Variants in MICU1 observed in about 807,000 individuals in gnomAD.
MICU1 encodes the protein calcium uptake protein 1, mitochondrial.
In MICU1, 45 loss-of-function variants were observed where a neutral mutation model predicts 56.8. The ratio of observed to expected loss-of-function variants is 0.79; its 90% CI spans 0.62 to 1.02. The LOEUF (loss-of-function observed/expected upper bound fraction) is 1.02, where lower values mean the gene tolerates loss of function less well. MICU1 is among the 50% of genes least tolerant of loss of function. MICU1 has a pLI of 0.00. For missense variants in MICU1, 504 were observed against 587.1 expected (o/e 0.86, Z 1.46); for synonymous variants, 186 against 195.1 (o/e 0.95, Z 0.39).
At chr10:72,584,087 C>G (rs1840979371) in intron 1 of MICU1, among the ~76,000 whole-genome samples, 1 of 152,150 alleles carries the variant, frequency 6.6e-6, no homozygotes, top group Admixed American at 6.5e-5. Context: ...GAGACAGAAG[C>G]TTTGCACATG....
intron 8 of MICU1, among the ~76,000 whole-genome samples, chr10:72,462,448 T>C (rs565442819): frequency 1.1e-4 from 17 of 152,270 alleles, no homozygotes; most frequent in African/African-American, 3.9e-4. Flanking sequence ...GTCTGACTCA[T>C]GGTAAGCTCT....
chr10:72,410,027 T>C (rs1863757632), intron 9 of MICU1, among the ~76,000 whole-genome samples: 1 of 152,214 alleles, frequency 6.6e-6, no homozygotes, highest in Admixed American at 6.5e-5. Context: ...CCTTGCTTTT[T>C]TTAAAAATAG....
intron 8 of MICU1, among the ~76,000 whole-genome samples, chr10:72,466,706 C>T (rs1027253151): frequency 1.3e-5 from 2 of 152,182 alleles, no homozygotes; most frequent in Non-Finnish European, 2.9e-5. Context: ...TGTTCTAGTT[C>T]CAACAAGTGT....
chr10:72,553,823 T>G (rs987922460), intron 3 of MICU1, among the ~76,000 whole-genome samples: 1 of 152,202 alleles, frequency 6.6e-6, no homozygotes, highest in African/African-American at 2.4e-5. Flanking sequence ...ATAGACCTAT[T>G]ATATGGTATA....
At chr10:72,501,283 A>C (rs895636781) in intron 6 of MICU1, among the ~76,000 whole-genome samples, 2 of 152,184 alleles carry the variant, frequency 1.3e-5, no homozygotes, top group Non-Finnish European at 2.9e-5. Context: ...GAATTATAAG[A>C]AACCAAGCTT....
chr10:72,531,075 G>C (rs927551191), intron 5 of MICU1, among the ~76,000 whole-genome samples: 4 of 152,044 alleles, frequency 2.6e-5, no homozygotes, highest in African/African-American at 7.2e-5. Flanking sequence ...GTTTGTTACT[G>C]GTCAAATTTT....
chr10:72,431,477 T>C (rs1864529664), intron 8 of MICU1, among the ~76,000 whole-genome samples: 1 of 152,140 alleles, frequency 6.6e-6, no homozygotes, highest in South Asian at 2.1e-4. Flanking sequence ...ACATCTCAAT[T>C]ATTGTCAGTT....
intron 1 of MICU1, among the ~76,000 whole-genome samples, chr10:72,587,664 A>G (rs1270277044): frequency 2.0e-5 from 3 of 151,916 alleles, no homozygotes; most frequent in Non-Finnish European, 4.4e-5. Flanking sequence ...CACGTCTGTA[A>G]TCCTAGCTAC....
At chr10:72,548,961 T>C (rs1488310138) in intron 4 of MICU1, among the ~76,000 whole-genome samples, 4 of 151,990 alleles carry the variant, frequency 2.6e-5, no homozygotes, top group Non-Finnish European at 5.9e-5. Flanking sequence ...CCTCCCAAAG[T>C]GCTGGGATTA....
intron 1 of MICU1, among the ~76,000 whole-genome samples, chr10:72,576,225 C>CAAAAAAAAAAA (rs34829939): frequency 1.3e-4 from 9 of 68,196 alleles, no homozygotes; most frequent in Admixed American, 3.9e-4. Flanking sequence ...AAAAAAACAC[C>CAAAAAAAAAAA]AAAAAAAAAA....
intron 8 of MICU1, among the ~76,000 whole-genome samples, chr10:72,461,938 G>A (rs1865651364): frequency 6.6e-6 from 1 of 152,120 alleles, no homozygotes; most frequent in African/African-American, 2.4e-5. Context: ...CAACAAGAGT[G>A]AAACACTCCA....
chr10:72,418,356 T>C (rs575710432), intron 9 of MICU1, among the ~76,000 whole-genome samples: 2 of 152,270 alleles, frequency 1.3e-5, no homozygotes, highest in South Asian at 4.1e-4. Context: ...AACAACCACA[T>C]TCCTTAAAAA....
intron 5 of MICU1, among the ~76,000 whole-genome samples, chr10:72,529,865 T>A (rs1183666961): frequency 6.6e-6 from 1 of 151,724 alleles, no homozygotes; most frequent in Non-Finnish European, 1.5e-5. Context: ...AATATAGTTT[T>A]CATTAAATAA....
intron 8 of MICU1, among the ~76,000 whole-genome samples, chr10:72,451,007 C>A (rs1173568810): frequency 6.8e-6 from 1 of 147,958 alleles, no homozygotes; most frequent in Admixed American, 6.8e-5. Context: ...TGAGCTACTG[C>A]GCCCAGTCCC....
chr10:72,418,608 T>C (rs1246292345), intron 9 of MICU1, among the ~76,000 whole-genome samples: 2 of 152,136 alleles, frequency 1.3e-5, no homozygotes, highest in Non-Finnish European at 2.9e-5. Context: ...CATTAATTTA[T>C]ATGCAAAAAT....
chr10:72,441,639 C>A (rs1864937645), intron 8 of MICU1, among the ~76,000 whole-genome samples: 1 of 73,424 alleles, frequency 1.4e-5, no homozygotes, highest in Admixed American at 1.7e-4. Flanking sequence ...TTTTTTGAGG[C>A]AGAACCTCAC....
At chr10:72,490,777 G>A (rs1174319153) in intron 6 of MICU1, among the ~76,000 whole-genome samples, 1 of 152,170 alleles carries the variant, frequency 6.6e-6, no homozygotes, top group Non-Finnish European at 1.5e-5. Context: ...AGCACCAATG[G>A]TATGTGTGTC....
intron 6 of MICU1, among the ~76,000 whole-genome samples, chr10:72,485,763 G>A (rs1163748705): frequency 6.6e-6 from 1 of 152,020 alleles, no homozygotes; most frequent in Non-Finnish European, 1.5e-5. Context: ...AAAAATGCCA[G>A]ATTGAGACAT....
At chr10:72,488,469 A>T (rs1351249872) in intron 6 of MICU1, among the ~76,000 whole-genome samples, 1 of 152,186 alleles carries the variant, frequency 6.6e-6, no homozygotes, top group East Asian at 1.9e-4. Context: ...TTCTAGCCAA[A>T]GCAACATATA....
Sources: gnomAD v4.1 joint callset for allele counts (sites outside exome capture counted in the v4.1 genomes callset) on GRCh38, gnomAD v4.1.1 for gene constraint, MANE v1.5 for transcripts, NCBI Gene and HGNC (gene_info 2026-07-23, HGNC 2026-07-21) for gene names.